Variants in CACNG4 observed in about 807,000 individuals in gnomAD.
CACNG4 encodes the protein calcium voltage-gated channel auxiliary subunit gamma 4, also known as voltage-dependent calcium channel gamma-4 subunit.
In CACNG4, 8 loss-of-function variants were observed where a neutral mutation model predicts 22.9. The observed-to-expected ratio is 0.35, with a 90% CI of 0.21 to 0.63. The LOEUF is 0.63. Ranked by LOEUF, CACNG4 falls within the 30% of genes least tolerant of loss-of-function variation. The pLI is 0.72. For missense variants in CACNG4, 357 were observed against 455.4 expected (o/e 0.78, Z 1.97); for synonymous variants, 188 against 191.9 (o/e 0.98, Z 0.17).
chr17:67,000,137 C>T (rs1007015922), intron 1 of CACNG4, among the ~76,000 whole-genome samples: 6 of 152,180 alleles, frequency 3.9e-5, no homozygotes, highest in East Asian at 1.9e-4. Flanking sequence ...CAAGCAGAAT[C>T]GCTGCATTCA....
At chr17:67,007,455 C>T (rs1263498585) in intron 1 of CACNG4, among the ~76,000 whole-genome samples, 1 of 152,124 alleles carries the variant, frequency 6.6e-6, no homozygotes, top group Admixed American at 6.5e-5. Flanking sequence ...GACATCATCA[C>T]GATTTAGCCT....
intron 1 of CACNG4, among the ~76,000 whole-genome samples, chr17:66,996,352 C>T (rs2035374875): frequency 6.7e-6 from 1 of 149,458 alleles, no homozygotes; most frequent in African/African-American, 2.5e-5. Flanking sequence ...TCAGAGCCCT[C>T]TTTGGAGAAA....
At chr17:66,971,565 T>C (rs1279385663) in intron 1 of CACNG4, among the ~76,000 whole-genome samples, 1 of 152,158 alleles carries the variant, frequency 6.6e-6, no homozygotes, top group East Asian at 1.9e-4. Context: ...TAGGTGCAGA[T>C]TTATGTTACG....
chr17:66,983,246 C>T (rs1170892267), intron 1 of CACNG4, among the ~76,000 whole-genome samples: 1 of 152,244 alleles, frequency 6.6e-6, no homozygotes, highest in Non-Finnish European at 1.5e-5. Flanking sequence ...CACCCCCCAG[C>T]ACCTGCACCC....
chr17:67,015,536 G>A (rs897190091), intron 1 of CACNG4, among the ~76,000 whole-genome samples: 1 of 152,178 alleles, frequency 6.6e-6, no homozygotes, highest in Non-Finnish European at 1.5e-5. Flanking sequence ...AGTATAAAGG[G>A]TAGGTGTTCC....
chr17:67,024,857 C>T lies in CACNG4; in HGVS notation c.305-3C>T. The T allele has an allele frequency of 3.2e-6, 5 of 1,541,720 alleles. No homozygotes were observed. Among genetic ancestry groups the T allele is most frequent in the Non-Finnish European group, 3.5e-6 (4 of 1,145,752 alleles). On this transcript the variant is annotated splice_polypyrimidine_tract_variant and splice_region_variant and intron_variant, in intron 2 of 3. Coordinates refer to ENST00000262138, the MANE Select transcript of CACNG4 (RefSeq NM_014405.4). ...GCTTTGTGCCCCCCACCTCCCCGGC[C>T]AGGCATCGTGCGAGCCTCCAGCGTC... is the stretch of plus-strand genomic sequence containing the variant.
At chr17:67,016,722 A>G (rs967564048) in intron 1 of CACNG4, among the ~76,000 whole-genome samples, 1 of 152,134 alleles carries the variant, frequency 6.6e-6, no homozygotes, top group African/African-American at 2.4e-5. Flanking sequence ...ACCCGGGGGA[A>G]GGGGTTGTCT....
chr17:67,003,135 A>G (rs757962067), intron 1 of CACNG4, among the ~76,000 whole-genome samples: 4 of 152,046 alleles, frequency 2.6e-5, no homozygotes, highest in Non-Finnish European at 5.9e-5. Flanking sequence ...ACAACAGCAA[A>G]CATGTTTTAA....
chr17:66,964,795 C>G lies in CACNG4; in HGVS notation c.-117C>G. The G allele has an allele frequency of 6.6e-6, 2 of 301,862 alleles. No individual in the cohort carries two copies. The highest frequency in any genetic ancestry group is 2.3e-5 in the African/African-American group (1 of 43,596). The allele number at this position is 301,862 out of a possible 1,614,324, so 18.7% of individuals were successfully genotyped here. A position where few individuals can be genotyped will look rare whatever the true frequency, so the allele number is the denominator to read the frequency against. On this transcript the variant is annotated 5_prime_UTR_variant, in exon 1 of 4. Transcript: ENST00000262138. ...CGGGGTCGGAGCGCGCAGCGCGGCG[C>G]CGCCCCCCGGCCCTCGGCCCCCCAA...
At chr17:66,994,014 T>TAC (rs1283026554) in intron 1 of CACNG4, among the ~76,000 whole-genome samples, 1 of 134,382 alleles carries the variant, frequency 7.4e-6, no homozygotes, top group Admixed American at 7.1e-5. Flanking sequence ...CCCTCAAATA[T>TAC]ACACATAAAA....
intron 1 of CACNG4, among the ~76,000 whole-genome samples, chr17:67,011,420 C>T (rs1357075867): frequency 1.3e-5 from 2 of 152,166 alleles, no homozygotes; most frequent in Non-Finnish European, 2.9e-5. Context: ...CAGCCTAACA[C>T]GCCTCAGACC....
At chr17:67,021,581 G>A (rs927503388) in intron 2 of CACNG4, 1 of 152,318 alleles carries the variant, frequency 6.6e-6, no homozygotes, top group Non-Finnish European at 1.5e-5. Context: ...CAGGTTCACA[G>A]CCCAAGATTT....
chr17:67,014,956 A>AG lies in CACNG4; in HGVS notation c.221-3233_221-3232insG, dbSNP rs539558625. On this transcript the variant is annotated intron_variant, in intron 1 of 3. Transcript: ENST00000262138. ...CATCTCCAAAAACAAAAAAAAAAAA[A>AG]AAAGAAAGAAAGAAAGAAATAGCTG... 4.3e-3 allele frequency among the ~76,000 whole-genome samples: 650 copies of AG among 150,494 alleles called. 3 individuals carry two copies. The highest frequency in any genetic ancestry group is 0.014 in the African/African-American group (567 of 40,320).
At chr17:66,987,966 A>C (rs892653797) in intron 1 of CACNG4, among the ~76,000 whole-genome samples, 15 of 151,906 alleles carry the variant, frequency 9.9e-5, no homozygotes, top group African/African-American at 3.6e-4. Flanking sequence ...TGCATACTCT[A>C]GGTATGCACC....
chr17:66,964,867 CGCGGCGGGCCGGGCCGGCGG>C lies in CACNG4; in HGVS notation c.-37_-18del. On this transcript the variant is annotated 5_prime_UTR_variant, in exon 1 of 4. Coordinates refer to ENST00000262138, the MANE Select transcript of CACNG4 (RefSeq NM_014405.4). Reference sequence around the variant, plus strand: ...GCGCGGAGGGAGGAGGGCGGGCGGGCGCGGCGGGCCGGGCCGGCGGGCGGCGGACTATGAGGCGCCCACCA... The same window carrying C: ...GCGCGGAGGGAGGAGGGCGGGCGGGCGCGGCGGACTATGAGGCGCCCACCA... 1 of 1,122,730 alleles carries C rather than the reference CGCGGCGGGCCGGGCCGGCGG, an allele frequency of 8.9e-7. No homozygotes were observed. Among genetic ancestry groups the C allele is most frequent in the Non-Finnish European group, 1.1e-6 (1 of 903,682 alleles). 69.5% of individuals were successfully genotyped at this position (1,122,730 alleles called of 1,614,324 possible). A position where few individuals can be genotyped will look rare whatever the true frequency, so the allele number is the denominator to read the frequency against.
intron 1 of CACNG4, among the ~76,000 whole-genome samples, chr17:67,010,793 G>T (rs901770052): frequency 1.3e-5 from 2 of 152,142 alleles, no homozygotes; most frequent in African/African-American, 4.8e-5. Flanking sequence ...TGGAAATGGG[G>T]TGGTGTGGGA....
chr17:66,979,047 G>C lies in CACNG4; in HGVS notation c.220+13916G>C, dbSNP rs115307752. On this transcript the variant is annotated intron_variant, in intron 1 of 3. Transcript: ENST00000262138. The stretch of plus-strand genomic sequence containing the variant: ...CCAGCCAACCCCCTTCCCTCACCCT[G>C]GTGGTTTCTGATGTGTCTCCAGTCT... 5.8e-3 allele frequency among the ~76,000 whole-genome samples: 869 copies of C among 149,606 alleles called. 6 individuals carry two copies. The highest frequency in any genetic ancestry group is 0.021 in the African/African-American group (833 of 39,248).
At chr17:67,025,026 T>G (rs1480680166) in intron 3 of CACNG4, 26 bp downstream of exon 3, 1 of 1,561,192 alleles carries the variant, frequency 6.4e-7, no homozygotes, top group Non-Finnish European at 8.6e-7. Context: ...GGGCTGGTGC[T>G]GGGCCGGGAG....
chr17:66,988,794 C>T (rs932872384), intron 1 of CACNG4, among the ~76,000 whole-genome samples: 1 of 152,114 alleles, frequency 6.6e-6, no homozygotes, highest in Non-Finnish European at 1.5e-5. Context: ...CGCGGTGGCT[C>T]ACGCCTGTGA....
Sources: allele counts gnomAD v4.1 joint callset (sites outside exome capture counted in the v4.1 genomes callset), GRCh38; gene constraint gnomAD v4.1.1; transcripts MANE v1.5; gene names NCBI Gene and HGNC (gene_info 2026-07-23, HGNC 2026-07-21).